Variants in TDRD7 observed in about 807,000 individuals in gnomAD.
TDRD7 encodes tudor domain containing 7.
Under a neutral mutation model 109.8 loss-of-function variants are expected in TDRD7, and 47 were observed. The ratio of observed to expected loss-of-function variants is 0.43; its 90% CI spans 0.34 to 0.55. The LOEUF is 0.55. Among genes scored for constraint, TDRD7 ranks in the 20% least tolerant of loss-of-function variants. TDRD7 has a pLI of 0.03. For synonymous variants in TDRD7, 424 were observed against 457.3 expected (o/e 0.93, Z 0.93); for missense variants, 1,164 against 1,319.2 (o/e 0.88, Z 1.82).
intron 16 of TDRD7, among the ~76,000 whole-genome samples, chr9:97,490,602 G>C (rs1829292004): frequency 6.7e-6 from 1 of 149,962 alleles, no homozygotes; most frequent in Admixed American, 6.7e-5. Context: ...CTAGATCAAT[G>C]ATTTAGTGTG....
At chr9:97,492,061 T>C (rs973933287) in intron 16 of TDRD7, among the ~76,000 whole-genome samples, 1 of 152,228 alleles carries the variant, frequency 6.6e-6, no homozygotes, top group African/African-American at 2.4e-5. Flanking sequence ...GTTTCTGCTC[T>C]AGTACGCTTT....
At chr9:97,461,134 C>T (rs1828715759) in intron 7 of TDRD7, among the ~76,000 whole-genome samples, 1 of 149,060 alleles carries the variant, frequency 6.7e-6, no homozygotes, top group South Asian at 2.1e-4. Context: ...GAGCAAGACT[C>T]CATCTCAAAA....
chr9:97,441,709 A>ATAAAATGGATGC lies in TDRD7; in HGVS notation c.689_690insTAAAATGGATGC (p.Tyr230_Thr231insLysMetAspAla). The ATAAAATGGATGC allele has an allele frequency of 6.2e-7, 1 of 1,613,456 alleles. No individual in the cohort carries two copies. Among genetic ancestry groups the ATAAAATGGATGC allele is most frequent in the East Asian group, 2.2e-5 (1 of 44,816 alleles). On this transcript the variant is annotated inframe_insertion, in exon 6 of 17. Transcript: ENST00000355295. ...CCCAATGTCAAGCCTCCTGCCTCTT[A>ATAAAATGGATGC]CACTTATAAAATGGATGAGGTTCAA...
Position 97,496,041 on chromosome 9 carries a change from T to C in TDRD7, c.*158T>C. On this transcript the variant is annotated 3_prime_UTR_variant, in exon 17 of 17. Coordinates refer to ENST00000355295, the MANE Select transcript of TDRD7 (RefSeq NM_014290.3). ...TTGATGAAAGATATTTAACAAGTTT[T>C]GTTTTAACAGAGTTGACTTTTCAAA... 1 of 659,042 alleles carries C rather than the reference T, an allele frequency of 1.5e-6. No individual in the cohort carries two copies. The highest frequency in any genetic ancestry group is 1.8e-5 in the South Asian group (1 of 56,628). 40.8% of individuals were successfully genotyped at this position (659,042 alleles called of 1,614,324 possible).
intron 1 of TDRD7, among the ~76,000 whole-genome samples, chr9:97,424,919 A>G (rs1827961828): frequency 2.0e-5 from 3 of 150,610 alleles, no homozygotes; most frequent in African/African-American, 7.3e-5. Context: ...ATTACATTTT[A>G]CCTTTACTAC....
Position 97,462,409 on chromosome 9 carries a change from T to C in TDRD7, c.1442+1645T>C, listed in dbSNP as rs1166529069. Among the ~76,000 whole-genome samples, 3 of 152,180 alleles carry C rather than the reference T, an allele frequency of 2.0e-5. No individual in the cohort carries two copies. In the East Asian group the frequency reaches 5.8e-4, roughly 29 times the overall value. ...AGTGGCTGGCAACCAGCAAGCAAGA[T>C]GGGTAATGTCTGCCATTAGGTTGAC... is the stretch of plus-strand genomic sequence containing the variant. On this transcript the variant is annotated intron_variant, in intron 7 of 16. Transcript: ENST00000355295.
At chr9:97,427,261 C>T (rs1828014700) in intron 1 of TDRD7, among the ~76,000 whole-genome samples, 1 of 151,866 alleles carries the variant, frequency 6.6e-6, no homozygotes, top group Non-Finnish European at 1.5e-5. Flanking sequence ...TTTTTCTCTG[C>T]AAAACTACAA....
At chr9:97,475,780 A>G (rs1829008114) in intron 12 of TDRD7, among the ~76,000 whole-genome samples, 1 of 152,220 alleles carries the variant, frequency 6.6e-6, no homozygotes, top group Admixed American at 6.5e-5. Flanking sequence ...TAGTGGAAAT[A>G]TATTAATGAA....
chr9:97,493,335 G>C (rs989610478), intron 16 of TDRD7, among the ~76,000 whole-genome samples: 1 of 152,102 alleles, frequency 6.6e-6, no homozygotes, highest in Non-Finnish European at 1.5e-5. Context: ...TGGGTGTCCG[G>C]GGGAGACATC....
intron 6 of TDRD7, among the ~76,000 whole-genome samples, chr9:97,448,538 G>A (rs2118411268): frequency 6.6e-6 from 1 of 152,332 alleles, no homozygotes; most frequent in Non-Finnish European, 1.5e-5. Flanking sequence ...TCTGGTCAGT[G>A]ACTTTGATGT....
At chr9:97,491,106 G>C (rs1250826626) in intron 16 of TDRD7, among the ~76,000 whole-genome samples, 1 of 151,910 alleles carries the variant, frequency 6.6e-6, no homozygotes, top group South Asian at 2.1e-4. Context: ...AGTAGAGACA[G>C]GCTTTTTCAC....
At chr9:97,435,700 C>CT (rs1828184524) in intron 4 of TDRD7, among the ~76,000 whole-genome samples, 2 of 151,758 alleles carry the variant, frequency 1.3e-5, no homozygotes, top group South Asian at 4.2e-4. Flanking sequence ...TTAATCAAGT[C>CT]TTTTTTTAAG....
intron 11 of TDRD7, among the ~76,000 whole-genome samples, chr9:97,474,739 T>C (rs1828984562): frequency 6.6e-6 from 1 of 152,170 alleles, no homozygotes; most frequent in Non-Finnish European, 1.5e-5. Context: ...TGAAAAGGAC[T>C]CGATATTTCC....
At chr9:97,493,697 A>T (rs1465580444) in intron 16 of TDRD7, among the ~76,000 whole-genome samples, 1 of 152,150 alleles carries the variant, frequency 6.6e-6, no homozygotes, top group Non-Finnish European at 1.5e-5. Context: ...GGCTTATTTC[A>T]TCCCTACAGC....
chr9:97,453,367 A>G lies in TDRD7; in HGVS notation c.856-6811A>G, dbSNP rs117549989. Among the ~76,000 whole-genome samples, 252 of 151,748 alleles carry G rather than the reference A, an allele frequency of 1.7e-3. 1 individual carries two copies. Among genetic ancestry groups the G allele is most frequent in the Non-Finnish European group, 3.1e-3 (210 of 67,920 alleles). On this transcript the variant is annotated intron_variant, in intron 6 of 16. Coordinates refer to ENST00000355295, the MANE Select transcript of TDRD7 (RefSeq NM_014290.3). ...TGGTGGTCCCATAAGATTATAATGG[A>G]GCTGGGGGCGGGGGGCAAGAAAGCT...
chr9:97,417,053 A>C (rs894825035), intron 1 of TDRD7, among the ~76,000 whole-genome samples: 9 of 152,134 alleles, frequency 5.9e-5, no homozygotes, highest in African/African-American at 2.2e-4. Flanking sequence ...TGGAGGTGAC[A>C]GTTGAGCACG....
rs1828310751 is a variant in TDRD7, at chr9:97,441,804, A to T, written c.784A>T (p.Lys262Ter). 1.2e-6 allele frequency: 2 copies of T among 1,613,756 alleles called. No individual in the cohort carries two copies. ...GATATCTAAGCTTCCACATTTTTAC[A>T]AAGAGTTATATAAAGAAGACCTTAA... Reference protein sequence around the residue: ...IWISKLPHFYKELYKEDLNQG... With the variant: ...IWISKLPHFY Residue 262 changes from lysine (K) to a stop codon, truncating the protein, a stop_gained, in exon 6 of 17, where the codon AAA becomes TAA. Transcript: ENST00000355295. LOFTEE classifies it high-confidence loss of function.
At position 97,428,612 on chromosome 9, in the gene TDRD7, A is replaced by G. The variant is rs1828045887; in HGVS notation, c.147A>G (p.Leu49=). 11 of 1,614,016 alleles carry G rather than the reference A, an allele frequency of 6.8e-6. No individual in the cohort carries two copies. Among genetic ancestry groups the G allele is most frequent in the Non-Finnish European group, 8.5e-6 (10 of 1,179,948 alleles). ...TCAAACAGCTAGGTTTCCCTACACT[A>G]GAAGCCTATCTGAGAAGTGTGCCAG... ...IPFKQLGFPT[L]EAYLRSVPAV... is the part of the protein sequence containing the mutation. The change falls in exon 2 of 17, where the codon CTA becomes CTG. Residue 49 remains leucine (L), a synonymous_variant. Transcript: ENST00000355295.
chr9:97,446,560 A>G (rs1178286647), intron 6 of TDRD7, among the ~76,000 whole-genome samples: 1 of 152,222 alleles, frequency 6.6e-6, no homozygotes, highest in East Asian at 1.9e-4. Flanking sequence ...TCATTTTCCT[A>G]TTCATTAGAA....
Sources: gnomAD v4.1 joint callset for allele counts (sites outside exome capture counted in the v4.1 genomes callset) on GRCh38, gnomAD v4.1.1 for gene constraint, MANE v1.5 for transcripts, NCBI Gene and HGNC (gene_info 2026-07-23, HGNC 2026-07-21) for gene names.